Variants in CHCHD3 observed in about 807,000 individuals in gnomAD.
CHCHD3 encodes the protein MICOS complex subunit MIC19.
In CHCHD3, 20 loss-of-function variants were observed where a neutral mutation model predicts 38.2. The ratio of observed to expected loss-of-function variants is 0.52; its 90% CI spans 0.37 to 0.76. The LOEUF is 0.76. Among genes scored for constraint, CHCHD3 ranks in the 30% least tolerant of loss-of-function variants. The pLI is 0.00. For missense variants in CHCHD3, 245 were observed against 279.2 expected (o/e 0.88, Z 0.87); for synonymous variants, 82 against 100.0 (o/e 0.82, Z 1.07).
intron 2 of CHCHD3, among the ~76,000 whole-genome samples, chr7:133,039,450 A>C (rs562733650): frequency 5.3e-5 from 8 of 152,332 alleles, no homozygotes; most frequent in African/African-American, 1.9e-4. Flanking sequence ...AAGTCTTTTC[A>C]ATTTTTAATC....
chr7:132,950,574 C>T (rs920293284), intron 4 of CHCHD3, among the ~76,000 whole-genome samples: 2 of 152,200 alleles, frequency 1.3e-5, no homozygotes, highest in African/African-American at 4.8e-5. Flanking sequence ...GGGCCATCCA[C>T]ACACACCAGG....
intron 6 of CHCHD3, among the ~76,000 whole-genome samples, chr7:132,817,896 A>AAAAAAAT (rs1807242432): frequency 6.6e-6 from 1 of 151,796 alleles, no homozygotes; most frequent in African/African-American, 2.4e-5. Context: ...TGTCTCAAAA[A>AAAAAAAT]AAAAATAAAA....
At chr7:132,898,404 CAG>C (rs1252569478) in intron 4 of CHCHD3, among the ~76,000 whole-genome samples, 4 of 152,200 alleles carry the variant, frequency 2.6e-5, no homozygotes, top group African/African-American at 7.2e-5. Context: ...TAGCTAGATA[CAG>C]AGTGTGGACA....
At chr7:132,865,200 T>C (rs1808588397) in intron 5 of CHCHD3, among the ~76,000 whole-genome samples, 1 of 152,192 alleles carries the variant, frequency 6.6e-6, no homozygotes, top group Non-Finnish European at 1.5e-5. Flanking sequence ...AGTGAACATA[T>C]GTCCCAAAGC....
intron 5 of CHCHD3, among the ~76,000 whole-genome samples, chr7:132,843,694 T>G (rs1010905865): frequency 6.6e-6 from 1 of 152,214 alleles, no homozygotes; most frequent in Non-Finnish European, 1.5e-5. Flanking sequence ...TTGTTATCTC[T>G]GTTGTCTTGA....
At chr7:133,072,588 C>T (rs1215270650) in intron 1 of CHCHD3, among the ~76,000 whole-genome samples, 2 of 151,976 alleles carry the variant, frequency 1.3e-5, no homozygotes, top group Non-Finnish European at 2.9e-5. Flanking sequence ...ATCTGTAATC[C>T]CTGCACTTTA....
At chr7:132,807,143 C>G (rs943246070) in intron 6 of CHCHD3, among the ~76,000 whole-genome samples, 3 of 152,142 alleles carry the variant, frequency 2.0e-5, no homozygotes, top group African/African-American at 7.2e-5. Context: ...AGAAGGTTCT[C>G]CTAAAGGAGC....
At chr7:132,949,382 A>G (rs949864995) in intron 4 of CHCHD3, among the ~76,000 whole-genome samples, 2 of 152,206 alleles carry the variant, frequency 1.3e-5, no homozygotes, top group Non-Finnish European at 2.9e-5. Context: ...TGCCCGGAAC[A>G]AGAAGATACT....
chr7:132,963,155 A>T (rs10226052), intron 4 of CHCHD3, among the ~76,000 whole-genome samples: 63,643 of 145,770 alleles, frequency 0.44, 14,620 homozygotes, highest in Middle Eastern at 0.54. Flanking sequence ...TAAAAAAAAA[A>T]ATATATATAT....
intron 6 of CHCHD3, among the ~76,000 whole-genome samples, chr7:132,837,316 T>C (rs1224707744): frequency 1.3e-5 from 2 of 152,178 alleles, no homozygotes; most frequent in African/African-American, 4.8e-5. Context: ...ATAATATATG[T>C]AGAGTAACTT....
At chr7:132,833,630 C>T (rs922635591) in intron 6 of CHCHD3, among the ~76,000 whole-genome samples, 8 of 152,164 alleles carry the variant, frequency 5.3e-5, no homozygotes, top group Admixed American at 5.2e-4. Flanking sequence ...TGGCTTGTCA[C>T]ACAGGGGCTC....
chr7:132,797,906 G>A (rs537786486), intron 6 of CHCHD3, among the ~76,000 whole-genome samples: 2 of 152,160 alleles, frequency 1.3e-5, no homozygotes, highest in South Asian at 2.1e-4. Context: ...CTTGAAATTC[G>A]TGTTTTTTCA....
intron 6 of CHCHD3, among the ~76,000 whole-genome samples, chr7:132,819,384 C>A (rs976626388): frequency 3.3e-5 from 5 of 152,194 alleles, no homozygotes; most frequent in Middle Eastern, 3.2e-3. Flanking sequence ...AATGCACACA[C>A]ACGAGAAAAC....
At chr7:132,802,110 A>T (rs189425255) in intron 6 of CHCHD3, among the ~76,000 whole-genome samples, 19 of 152,334 alleles carry the variant, frequency 1.2e-4, no homozygotes, top group African/African-American at 2.4e-5. Flanking sequence ...GGGTACAAAC[A>T]TACCAAAGTG....
chr7:132,959,956 A>G (rs1811272543), intron 4 of CHCHD3, among the ~76,000 whole-genome samples: 1 of 152,152 alleles, frequency 6.6e-6, no homozygotes, highest in African/African-American at 2.4e-5. Flanking sequence ...ACAAGATTAT[A>G]ACCAAGTCAA....
At chr7:133,022,059 C>G (rs187136256) in intron 3 of CHCHD3, among the ~76,000 whole-genome samples, 85 of 152,022 alleles carry the variant, frequency 5.6e-4, no homozygotes, top group African/African-American at 1.9e-3. Context: ...TGTACTCCAG[C>G]CTGGGTGACA....
chr7:132,787,146 G>A (rs530289036), intron 7 of CHCHD3, among the ~76,000 whole-genome samples: 6 of 152,194 alleles, frequency 3.9e-5, no homozygotes, highest in Non-Finnish European at 8.8e-5. Flanking sequence ...GAGAGGCCTA[G>A]CTGGAAGAAA....
intron 4 of CHCHD3, among the ~76,000 whole-genome samples, chr7:132,946,345 C>T (rs1810903043): frequency 6.6e-6 from 1 of 151,812 alleles, no homozygotes; most frequent in South Asian, 2.1e-4. Flanking sequence ...GTGCCTGGTC[C>T]ATAGTAGGTA....
chr7:133,070,077 T>C (rs567722666), intron 2 of CHCHD3, 65 bp downstream of exon 2: 201 of 1,191,446 alleles, frequency 1.7e-4, no homozygotes, highest in African/African-American at 2.2e-4. Context: ...AACTTGACTA[T>C]TGAGTCAACT....
Sources: allele counts gnomAD v4.1 joint callset (sites outside exome capture counted in the v4.1 genomes callset), GRCh38; gene constraint gnomAD v4.1.1; transcripts MANE v1.5; gene names NCBI Gene and HGNC (gene_info 2026-07-23, HGNC 2026-07-21).